The following KEAP1 variants were observed in gnomAD, a reference collection of about 807,000 sequenced individuals.
KEAP1 encodes kelch like ECH associated protein 1.
Under a neutral mutation model 59.7 loss-of-function variants are expected in KEAP1, and 26 were observed. The ratio of observed to expected loss-of-function variants is 0.44; its 90% CI spans 0.32 to 0.60. The LOEUF (loss-of-function observed/expected upper bound fraction) is 0.60, where lower values mean the gene tolerates loss of function less well. Among genes scored for constraint, KEAP1 ranks in the 20% least tolerant of loss-of-function variants. The pLI is 0.06. For missense variants in KEAP1, 539 were observed against 871.4 expected (o/e 0.62, Z 4.80); for synonymous variants, 350 against 358.3 (o/e 0.98, Z 0.26).
chr19:10,495,936 G>A (rs1324230671), intron 2 of KEAP1, among the ~76,000 whole-genome samples: 1 of 151,950 alleles, frequency 6.6e-6, no homozygotes, highest in East Asian at 1.9e-4. Context: ...TGTAATCCTG[G>A]TACTTTGGGA....
Position 10,499,885 on chromosome 19 carries a change from C to A in KEAP1, c.149G>T (p.Arg50Leu), listed in dbSNP as rs766652922. The A allele has an allele frequency of 2.5e-6, 4 of 1,613,308 alleles. No individual in the cohort carries two copies. Among genetic ancestry groups the A allele is most frequent in the Non-Finnish European group, 3.4e-6 (4 of 1,179,758 alleles). The change falls in exon 2 of 6, where the codon CGC becomes CTC. Residue 50 changes from arginine to leucine, a missense_variant. Transcript: ENST00000171111. The surrounding 1 kb of genome is among the most constrained non-coding windows in gnomAD (Gnocchi z 6.7). ...AEVTPSQHGN[R>L]TFSYTLEDHT... ...ATCCTCCAGGGTGTAGCTGAAGGTGCGGTTGCCATGCTGGGAGGGCGTCAC... is the reference window on the plus strand; with the variant it reads ...ATCCTCCAGGGTGTAGCTGAAGGTGAGGTTGCCATGCTGGGAGGGCGTCAC...
At chr19:10,492,518 G>C (rs1914709523) in intron 2 of KEAP1, 1 of 475,812 alleles carries the variant, frequency 2.1e-6, no homozygotes, top group Non-Finnish European at 3.8e-6. Flanking sequence ...GGAGTTGAGA[G>C]ACAAGCCTGG....
chr19:10,491,862 G>A lies in KEAP1; in HGVS notation c.1040C>T (p.Pro347Leu), dbSNP rs773835974. 1.2e-6 allele frequency: 2 copies of A among 1,612,400 alleles called. No individual in the cohort carries two copies. Among genetic ancestry groups the A allele is most frequent in the Admixed American group, 1.7e-5 (1 of 59,768 alleles). Reference protein sequence around the residue: ...QSLSYLEAYNPSDGTWLRLAD... With the variant: ...QSLSYLEAYNLSDGTWLRLAD... ...CAACCGGAGCCAGGTGCCGTCACTG[G>A]GGTTGTAAGCCTCCAGGTAGCTGAG... Residue 347 changes from proline to leucine, a missense_variant, in exon 3 of 6, where the codon CCC becomes CTC. Coordinates refer to ENST00000171111, the MANE Select transcript of KEAP1 (RefSeq NM_203500.2). This position sits in a 1 kb window ranked among gnomAD's most constrained non-coding sequence, Gnocchi z 5.2.
rs1487486215 is a variant in KEAP1 at position 10,491,830 on chromosome 19, G to T, written c.1072C>A (p.Leu358Met). 1 of 1,606,194 alleles carries T rather than the reference G, an allele frequency of 6.2e-7. No homozygotes were observed. The highest frequency in any genetic ancestry group is 8.5e-7 in the Non-Finnish European group (1 of 1,176,618). Reference protein sequence around the residue: ...SDGTWLRLADLQVPRSGLAGC... With the variant: ...SDGTWLRLADMQVPRSGLAGC... ...GCCAGGCCGCTCCGCGGCACCTGCA[G>T]GTCCGCCAACCGGAGCCAGGTGCCG... Residue 358 changes from leucine to methionine, a missense_variant, in exon 3 of 6, where the codon CTG becomes ATG. Physicochemically the swap from Leu to Met is conservative, Grantham distance 15. Around this residue, in one of 4 missense-constraint regions of KEAP1, gnomAD observed 311 missense variants for 425.2 expected, o/e 0.73. Transcript: ENST00000171111. The surrounding 1 kb of genome is among the most constrained non-coding windows in gnomAD (Gnocchi z 5.2).
chr19:10,493,557 C>CTTTTTTT (rs756608531), intron 2 of KEAP1, among the ~76,000 whole-genome samples: 4 of 96,310 alleles, frequency 4.2e-5, no homozygotes, highest in Admixed American at 1.1e-4. Flanking sequence ...GTCTCAAACT[C>CTTTTTTT]TTTTTTTTTT....
chr19:10,488,337 G>A (rs1442342563), intron 5 of KEAP1, among the ~76,000 whole-genome samples: 2 of 151,954 alleles, frequency 1.3e-5, no homozygotes, highest in Non-Finnish European at 2.9e-5. Context: ...ATTAAGCTGG[G>A]CGCGGTGGCT....
At chr19:10,487,528 C>T (rs1041099541) in intron 5 of KEAP1, among the ~76,000 whole-genome samples, 4 of 151,646 alleles carry the variant, frequency 2.6e-5, no homozygotes, top group East Asian at 1.9e-4. Flanking sequence ...TGGTGATGCA[C>T]GCCTGTAATC....
chr19:10,489,960 G>A (rs1380735993), intron 3 of KEAP1, 107 bp from the exon 4 acceptor site: 1 of 1,131,904 alleles, frequency 8.8e-7, no homozygotes, highest in Middle Eastern at 2.1e-4. Flanking sequence ...CCCCCTTAAA[G>A]AGACAGGTTC....
At chr19:10,493,198 G>A (rs34983936) in intron 2 of KEAP1, among the ~76,000 whole-genome samples, 12,316 of 145,212 alleles carry the variant, frequency 0.085, 563 homozygotes, top group African/African-American at 0.094. Context: ...TTGCTCTGTC[G>A]CCCAGGCTGG....
At position 10,500,014 on chromosome 19, in the gene KEAP1, G is replaced by GC; in HGVS notation, c.19_20insG (p.Pro7ArgfsTer2). On this transcript the variant is annotated frameshift_variant, in exon 2 of 6. Coordinates refer to ENST00000171111, the MANE Select transcript of KEAP1 (RefSeq NM_203500.2). LOFTEE classifies it high-confidence loss of function. ...TCGGCAGCAGGCCCCAGCCCCGCTA[G>GC]GCCTGGGATCTGGCTGCATGGGGTT... The GC allele has an allele frequency of 6.4e-7, 1 of 1,559,002 alleles. No individual in the cohort carries two copies. The highest frequency in any genetic ancestry group is 8.7e-7 in the Non-Finnish European group (1 of 1,149,620).
Position 10,486,196 on chromosome 19 carries a change from G to T in KEAP1, c.*456C>A, listed in dbSNP as rs79817709. 1,694 of 232,822 alleles carry T rather than the reference G, an allele frequency of 7.3e-3. 43 individuals are homozygous for T. The highest frequency in any genetic ancestry group is 0.059 in the East Asian group (969 of 16,414). The allele number at this position is 232,822 out of a possible 1,614,324, so 14.4% of individuals were successfully genotyped here. On this transcript the variant is annotated 3_prime_UTR_variant, in exon 6 of 6. Coordinates refer to ENST00000171111, the MANE Select transcript of KEAP1 (RefSeq NM_203500.2). ...AGGGTTACTTATCAACAAAATAACT[G>T]TCCATCCGGTGGGGAAGTGCCATCC... is the stretch of plus-strand genomic sequence containing the variant.
rs2144624897 is a variant in KEAP1, at chr19:10,499,468, T to C, written c.566A>G (p.Asn189Ser). 6.2e-7 allele frequency: 1 copy of C among 1,614,168 alleles called. No individual in the cohort carries two copies. The highest frequency in any genetic ancestry group is 8.5e-7 in the Non-Finnish European group (1 of 1,180,032). The change falls in exon 2 of 6, where the codon AAC becomes AGC. Residue 189 changes from asparagine to serine, a missense_variant. Coordinates refer to ENST00000171111, the MANE Select transcript of KEAP1 (RefSeq NM_203500.2). The surrounding 1 kb of genome is among the most constrained non-coding windows in gnomAD (Gnocchi z 6.7). ...LDPSNAIGIA[N>S]FAEQIGCVEL... is the part of the protein sequence containing the mutation. ...CACACAGCCAATCTGCTCAGCGAAG[T>C]TGGCGATGCCGATGGCATTGCTGGG...
Position 10,502,083 on chromosome 19 carries a change from G to A in KEAP1, c.-48+1158C>T, listed in dbSNP as rs567601766. On this transcript the variant is annotated intron_variant, in intron 1 of 5. Transcript: ENST00000171111. The surrounding 1 kb of genome is among the most constrained non-coding windows in gnomAD (Gnocchi z 4.0). ...AGGGAGACCTATGTAGGTCGGCGTC[G>A]GGCCAACCCTCTCCTGTGCCTCTCG... Among the ~76,000 whole-genome samples, 1 of 152,300 alleles carries A rather than the reference G, an allele frequency of 6.6e-6. No individual in the cohort carries two copies. Among genetic ancestry groups the A allele is most frequent in the African/African-American group, 2.4e-5 (1 of 41,568 alleles).
Position 10,492,682 on chromosome 19 carries a change from G to A in KEAP1, c.640-420C>T, listed in dbSNP as rs1182909337. On this transcript the variant is annotated intron_variant, in intron 2 of 5. Transcript: ENST00000171111. ...GGAGGTTGCAGTGAGCCGATATTGC[G>A]CCACTGCACTCCAGCCTGGGCGACA... 7 of 179,354 alleles carry A rather than the reference G, an allele frequency of 3.9e-5. No individual in the cohort carries two copies. In the East Asian group the frequency reaches 4.6e-4, roughly 12 times the overall value. 11.1% of individuals were successfully genotyped at this position (179,354 alleles called of 1,614,324 possible).
intron 3 of KEAP1, chr19:10,490,578 G>C (rs911863771): frequency 2.6e-5 from 4 of 152,074 alleles, no homozygotes; most frequent in Non-Finnish European, 5.9e-5. Context: ...GCTTTCCAAA[G>C]GGCTGGGATT....
At chr19:10,487,144 G>C (rs1914491650) in intron 5 of KEAP1, among the ~76,000 whole-genome samples, 1 of 151,160 alleles carries the variant, frequency 6.6e-6, no homozygotes, top group Non-Finnish European at 1.5e-5. Context: ...AGGAGTTTGA[G>C]ACCAGCCTGG....
At position 10,489,742 on chromosome 19, in the gene KEAP1, G is replaced by A. The variant is rs35074907; in HGVS notation, c.1437C>T (p.Asp479=). 0.02 allele frequency: 31,610 copies of A among 1,613,940 alleles called. 419 individuals carry two copies. The highest frequency in any genetic ancestry group is 0.035 in the South Asian group (3,150 of 91,070). Residue 479 remains aspartate, a synonymous_variant, in exon 4 of 6, where the codon GAC becomes GAT. Coordinates refer to ENST00000171111, the MANE Select transcript of KEAP1 (RefSeq NM_203500.2). ...CAGCTGAATTAAGGCGGTTTGTCCC[G>A]TCAAAGCCCCCCACGGCATAAAGGA... is the stretch of plus-strand genomic sequence containing the variant. ...NRLLYAVGGF[D]GTNRLNSAEC...
In KEAP1 at chr19:10,491,562, G is replaced by C. The variant is rs771789039; in HGVS notation, c.1325+15C>G. The C allele has an allele frequency of 6.7e-7, 1 of 1,499,174 alleles. No homozygotes were observed. Among genetic ancestry groups the C allele is most frequent in the Non-Finnish European group, 8.9e-7 (1 of 1,124,534 alleles). 92.9% of individuals were successfully genotyped at this position (1,499,174 alleles called of 1,614,324 possible). A position where few individuals can be genotyped will look rare whatever the true frequency, so the allele number is the denominator to read the frequency against. On this transcript the variant is annotated intron_variant, in intron 3 of 5. Transcript: ENST00000171111. This position sits in a 1 kb window ranked among gnomAD's most constrained non-coding sequence, Gnocchi z 5.2. The stretch of plus-strand genomic sequence containing the variant: ...GCAGGACCCTCCGAGCCCACCCCCA[G>C]GCCCTGCCACTCACCTCTCCACACT...
chr19:10,489,403 G>A lies in KEAP1; in HGVS notation c.1532-35C>T, dbSNP rs377485859. ...ACCATGCAGAGAAGGTGACTCTGGGGGTCTGGCTTTGGGAACCCCAGCCAT... is the reference window on the plus strand; with the variant it reads ...ACCATGCAGAGAAGGTGACTCTGGGAGTCTGGCTTTGGGAACCCCAGCCAT... On this transcript the variant is annotated intron_variant, in intron 4 of 5. Transcript: ENST00000171111. 66 of 1,588,230 alleles carry A rather than the reference G, an allele frequency of 4.2e-5. No homozygotes were observed. In the Middle Eastern group the frequency reaches 2.2e-3, roughly 52 times the overall value.
Sources: allele counts gnomAD v4.1 joint callset (sites outside exome capture counted in the v4.1 genomes callset), GRCh38; gene constraint gnomAD v4.1.1; regional missense constraint gnomAD v4.1.1; non-coding constraint Gnocchi (gnomAD v3.1); transcripts MANE v1.5; gene names NCBI Gene and HGNC (gene_info 2026-07-23, HGNC 2026-07-21).